Variants in KIF13B observed in about 807,000 individuals in gnomAD.
KIF13B encodes the protein kinesin family member 13B, also known as kinesin-like protein KIF13B.
KIF13B carries 127 observed loss-of-function variants against 222.0 expected under a neutral mutation model. The ratio of observed to expected loss-of-function variants is 0.57; its 90% CI spans 0.50 to 0.66. KIF13B has a LOEUF of 0.66. Ranked by LOEUF, KIF13B falls within the 30% of genes least tolerant of loss-of-function variation. The pLI is 0.00. For missense variants in KIF13B, 2,173 were observed against 2,379.0 expected (o/e 0.91, Z 1.80); for synonymous variants, 976 against 919.0 (o/e 1.06, Z -1.12).
At chr8:29,154,686 A>C (rs560122214) in intron 14 of KIF13B, among the ~76,000 whole-genome samples, 1 of 152,288 alleles carries the variant, frequency 6.6e-6, no homozygotes, top group East Asian at 1.9e-4. Context: ...ATCTGCACTT[A>C]AACGCAACGA....
intron 21 of KIF13B, among the ~76,000 whole-genome samples, chr8:29,135,707 C>G (rs189403827): frequency 6.6e-6 from 1 of 152,018 alleles, no homozygotes; most frequent in Non-Finnish European, 1.5e-5. Flanking sequence ...CCAACCTGGC[C>G]GACATGGTGA....
At chr8:29,140,995 C>A (rs1327022132) in intron 19 of KIF13B, among the ~76,000 whole-genome samples, 1 of 152,150 alleles carries the variant, frequency 6.6e-6, no homozygotes, top group Non-Finnish European at 1.5e-5. Flanking sequence ...TTGGGAAAGA[C>A]AGTAATTCTT....
chr8:29,196,171 A>G lies in KIF13B; in HGVS notation c.162+16T>C. The G allele has an allele frequency of 1.3e-6, 2 of 1,567,284 alleles. No individual in the cohort carries two copies. Among genetic ancestry groups the G allele is most frequent in the Non-Finnish European group, 1.7e-6 (2 of 1,154,188 alleles). Reference sequence around the variant, plus strand: ...AAGATCTTTACAAGCATCACATAACAAACCAAATCTCTTACCTTCGGCTGG... The same window carrying G: ...AAGATCTTTACAAGCATCACATAACGAACCAAATCTCTTACCTTCGGCTGG... On this transcript the variant is annotated intron_variant, in intron 3 of 39. Transcript: ENST00000524189.
At chr8:29,123,087 T>C (rs1809948325) in intron 28 of KIF13B, among the ~76,000 whole-genome samples, 1 of 152,174 alleles carries the variant, frequency 6.6e-6, no homozygotes, top group African/African-American at 2.4e-5. Flanking sequence ...AATTAACATA[T>C]TAACTATTTT....
At chr8:29,076,535 C>G (rs1807568395) in intron 37 of KIF13B, among the ~76,000 whole-genome samples, 1 of 152,212 alleles carries the variant, frequency 6.6e-6, no homozygotes, top group Non-Finnish European at 1.5e-5. Flanking sequence ...CCACACCGCC[C>G]AGGCCTTCCT....
At chr8:29,192,321 C>T (rs2130356997) in intron 3 of KIF13B, among the ~76,000 whole-genome samples, 1 of 152,346 alleles carries the variant, frequency 6.6e-6, no homozygotes, top group Admixed American at 6.5e-5. Flanking sequence ...CTTCCAATCA[C>T]CTCCAGGCAC....
intron 2 of KIF13B, chr8:29,219,444 AAGG>A (rs1554620762): frequency 6.6e-6 from 1 of 152,260 alleles, no homozygotes; most frequent in Non-Finnish European, 1.5e-5. Context: ...TGAAGACGAA[AAGG>A]AGGAGTAGAA....
intron 2 of KIF13B, among the ~76,000 whole-genome samples, chr8:29,243,615 C>T (rs905366449): frequency 6.6e-6 from 1 of 151,666 alleles, no homozygotes; most frequent in African/African-American, 2.4e-5. Flanking sequence ...GAGATGGCAC[C>T]CCTGCACTTC....
intron 10 of KIF13B, among the ~76,000 whole-genome samples, chr8:29,170,690 G>C (rs1215333585): frequency 6.6e-6 from 1 of 152,164 alleles, no homozygotes; most frequent in Non-Finnish European, 1.5e-5. Context: ...CACTTAGCTG[G>C]AATTTGTAAC....
chr8:29,251,630 GTTA>G (rs1274729611), intron 1 of KIF13B, among the ~76,000 whole-genome samples: 1 of 152,102 alleles, frequency 6.6e-6, no homozygotes, highest in African/African-American at 2.4e-5. Context: ...AAGAGGAGTT[GTTA>G]TTTAATGGAG....
intron 38 of KIF13B, among the ~76,000 whole-genome samples, chr8:29,075,014 T>C (rs1807485622): frequency 6.6e-6 from 1 of 151,890 alleles, no homozygotes; most frequent in African/African-American, 2.4e-5. Context: ...TATAGAAATC[T>C]CCTCTGCCTA....
intron 35 of KIF13B, 73 bp from the exon 36 acceptor site, chr8:29,099,314 C>A: frequency 9.7e-7 from 1 of 1,025,798 alleles, no homozygotes; most frequent in African/African-American, 1.6e-5. Flanking sequence ...TACAGATACT[C>A]AAGAAAAAAA....
At chr8:29,228,472 A>AAAAAAAATATATATATAT in intron 2 of KIF13B, among the ~76,000 whole-genome samples, 1 of 117,084 alleles carries the variant, frequency 8.5e-6, no homozygotes, top group South Asian at 2.9e-4. Flanking sequence ...ATCTTAAAAA[A>AAAAAAAATATATATATAT]ATATATATAT....
At chr8:29,116,010 G>A (rs1177028866) in intron 31 of KIF13B, among the ~76,000 whole-genome samples, 3 of 152,212 alleles carry the variant, frequency 2.0e-5, no homozygotes, top group East Asian at 3.8e-4. Context: ...AGCTCAGGCC[G>A]AGAGCAGTTG....
rs771040365 is a variant in KIF13B, at chr8:29,134,227, G to A, written c.2614-17C>T. ...GATTTTAACCTGAAGGAAAAAGAAG[G>A]CTCTGTGTTTTGAAATCTGAGGGTT... On this transcript the variant is annotated splice_polypyrimidine_tract_variant and intron_variant, in intron 21 of 39. Transcript: ENST00000524189. 1.2e-6 allele frequency: 2 copies of A among 1,610,000 alleles called. No individual in the cohort carries two copies. Among genetic ancestry groups the A allele is most frequent in the South Asian group, 1.1e-5 (1 of 90,546 alleles).
upstream of KIF13B, chr8:29,263,123 G>T: frequency 7.5e-7 from 1 of 1,324,832 alleles, no homozygotes; most frequent in Non-Finnish European, 1.0e-6. Context: ...GGGGCCGGGG[G>T]CGGAGCCGGG....
At chr8:29,186,603 G>T in intron 5 of KIF13B, 131 bp from the exon 6 acceptor site, 1 of 653,572 alleles carries the variant, frequency 1.5e-6, no homozygotes, top group Non-Finnish European at 2.5e-6. Flanking sequence ...AATATAATGA[G>T]AATAATAAGT....
intron 25 of KIF13B, 36 bp from the exon 26 acceptor site, chr8:29,126,547 T>C (rs1222705819): frequency 2.4e-6 from 3 of 1,253,334 alleles, no homozygotes; most frequent in Non-Finnish European, 2.3e-6. Context: ...AACTGAATTA[T>C]TGATTTATCC....
intron 12 of KIF13B, among the ~76,000 whole-genome samples, chr8:29,162,611 C>T (rs1303589465): frequency 2.6e-5 from 4 of 152,172 alleles, no homozygotes; most frequent in Non-Finnish European, 5.9e-5. Flanking sequence ...CTTCCCTGTG[C>T]ATATTTCTGT....
Sources: allele counts gnomAD v4.1 joint callset (sites outside exome capture counted in the v4.1 genomes callset), GRCh38; gene constraint gnomAD v4.1.1; transcripts MANE v1.5; gene names NCBI Gene and HGNC (gene_info 2026-07-23, HGNC 2026-07-21).